Variants in ZNF98 observed in about 807,000 individuals in gnomAD.
ZNF98 encodes the protein zinc finger protein 739.
ZNF98 carries 8 observed loss-of-function variants against 12.8 expected under a neutral mutation model. The observed-to-expected ratio is 0.63, with a 90% CI of 0.37 to 1.13. ZNF98 has a LOEUF of 1.13. Among genes scored for constraint, ZNF98 ranks in the 50% most tolerant of loss-of-function variants. The pLI is 0.01. For missense variants in ZNF98, 379 were observed against 666.1 expected, an observed-to-expected ratio of 0.57 and a Z score of 4.74; for synonymous variants, 112 against 223.5, an observed-to-expected ratio of 0.50 and a Z score of 4.45.
intron 1 of ZNF98, 80 bp downstream of exon 1, chr19:22,422,115 T>G: frequency 1.3e-6 from 2 of 1,571,966 alleles, no homozygotes; most frequent in South Asian, 1.1e-5. Flanking sequence ...CGGGGAGGCC[T>G]GAGTCCCGCC....
chr19:22,404,825 G>A (rs1221975849), intron 1 of ZNF98, among the ~76,000 whole-genome samples: 1 of 152,072 alleles, frequency 6.6e-6, no homozygotes, highest in Non-Finnish European at 1.5e-5. Flanking sequence ...AACTGTCTGG[G>A]TAATAAATGC....
Position 22,391,643 on chromosome 19 carries a change from G to T in ZNF98, c.1592C>A (p.Ser531Tyr). 1 of 1,613,818 alleles carries T rather than the reference G, an allele frequency of 6.2e-7. No individual in the cohort carries two copies. Among genetic ancestry groups the T allele is most frequent in the South Asian group, 1.1e-5 (1 of 91,050 alleles). The change falls in exon 4 of 4, where the codon TCT becomes TAT. Residue 531 changes from serine to tyrosine, a missense_variant. Around this residue, in one of 8 missense-constraint regions of ZNF98, gnomAD observed 59 missense variants for 50.3 expected, o/e 1.17. Coordinates refer to ENST00000357774, the MANE Select transcript of ZNF98 (RefSeq NM_001098626.2). ...EECGKAFNNS[S>Y]ILNRHKMIHT... The stretch of plus-strand genomic sequence containing the variant: ...AATCATCTTATGTCTGTTAAGAATA[G>T]AGGAGTTGTTAAAGGCTTTGCCGCA...
At position 22,392,860 on chromosome 19, in the gene ZNF98, G is replaced by GT. The variant is rs764748792; in HGVS notation, c.374dup (p.Tyr125Ter). ...CGRENLQLRK[Y>*]CKSMDECKVH... Reference sequence around the variant, plus strand: ...CCTTACACTCATCCATGCTTTTACAGTATTTTCTTAACTGTAAATTTTCAC... The same window carrying GT: ...CCTTACACTCATCCATGCTTTTACAGTTATTTTCTTAACTGTAAATTTTCAC... The change falls in exon 4 of 4, where the codon TAC becomes TAAC. Residue 125 changes from tyrosine (Y) to a stop codon, truncating the protein, a stop_gained and frameshift_variant. Transcript: ENST00000357774. LOFTEE classifies it low-confidence loss of function (END_TRUNC). 3 of 1,609,292 alleles carry GT rather than the reference G, an allele frequency of 1.9e-6. No individual in the cohort carries two copies. In the East Asian group the frequency reaches 6.7e-5, roughly 36 times the overall value.
chr19:22,391,191 T>C lies in ZNF98; in HGVS notation c.*325A>G, dbSNP rs964953993. On this transcript the variant is annotated 3_prime_UTR_variant, in exon 4 of 4. Transcript: ENST00000357774. Reference sequence around the variant, plus strand: ...ACAACTTCGTTTATATTTGTAATGTTTGTCTTCAAAATAAATCCTCTTCAG... The same window carrying C: ...ACAACTTCGTTTATATTTGTAATGTCTGTCTTCAAAATAAATCCTCTTCAG... 1.4e-5 allele frequency: 4 copies of C among 278,608 alleles called. No homozygotes were observed. In the Admixed American group the frequency reaches 1.5e-4, roughly 10 times the overall value. The allele number at this position is 278,608 out of a possible 1,614,324, so 17.3% of individuals were successfully genotyped here.
chr19:22,408,307 G>C (rs966893004), intron 1 of ZNF98, among the ~76,000 whole-genome samples: 3 of 152,096 alleles, frequency 2.0e-5, no homozygotes, highest in Non-Finnish European at 4.4e-5. Context: ...AAAATAGTAA[G>C]TGTGTTTATG....
chr19:22,392,794 T>G lies in ZNF98; in HGVS notation c.441A>C (p.Thr147=). 6.3e-7 allele frequency: 1 copy of G among 1,574,864 alleles called. No homozygotes were observed. Among genetic ancestry groups the G allele is most frequent in the Non-Finnish European group, 8.7e-7 (1 of 1,153,960 alleles). The change falls in exon 4 of 4, where the codon ACA becomes ACC. Residue 147 remains threonine (T), a synonymous_variant. Transcript: ENST00000357774. ...ATTGAAATATTTTGTTCTGGGTAGT[T>G]GTCAAACACTGGTTAAGTCCATTGT... is the stretch of plus-strand genomic sequence containing the variant. ...ECYNGLNQCL[T]TTQNKIFQYD... is the part of the protein sequence containing the mutation.
At chr19:22,404,081 G>C (rs56003951) in intron 1 of ZNF98, among the ~76,000 whole-genome samples, 1 of 143,746 alleles carries the variant, frequency 7.0e-6, no homozygotes, top group Non-Finnish European at 1.5e-5. Flanking sequence ...TTAGCCAGGC[G>C]TGGAGGCGAG....
chr19:22,402,815 C>T lies in ZNF98; in HGVS notation c.227G>A (p.Arg76Lys). The change falls in exon 3 of 4, where the codon AGA becomes AAA. Residue 76 changes from arginine (R) to lysine (K), a missense_variant. By Grantham distance (26) the Arg-to-Lys change is conservative. This residue lies in a region of ZNF98 where 223 missense variants were observed against 261.6 expected (regional missense o/e 0.85). Transcript: ENST00000357774. The part of the protein sequence containing the change: ...EQGKEPWNVK[R>K]HEMVTEPPVV... ...TGGGGGTTCAGTTACCATCTCATGT[C>T]TCTTCACATTCCAAGGTTCTTTTCC... 2 of 1,598,156 alleles carry T rather than the reference C, an allele frequency of 1.3e-6. No homozygotes were observed. Among genetic ancestry groups the T allele is most frequent in the Admixed American group, 1.8e-5 (1 of 56,126 alleles).
At chr19:22,402,926 A>T (rs1244154171) in intron 2 of ZNF98, 42 bp from the exon 3 acceptor site, 1 of 1,524,008 alleles carries the variant, frequency 6.6e-7, no homozygotes, top group East Asian at 2.4e-5. Context: ...CATATTCTCC[A>T]ATTACCAATT....
Position 22,402,794 on chromosome 19 carries a change from G to C in ZNF98, c.248C>G (p.Pro83Arg). ...NVKRHEMVTE[P>R]PVVYSYFAQD... is the part of the protein sequence containing the mutation. Reference sequence around the variant, plus strand: ...TCACTTTCACTCTCACCTACCTGGGGGTTCAGTTACCATCTCATGTCTCTT... The same window carrying C: ...TCACTTTCACTCTCACCTACCTGGGCGTTCAGTTACCATCTCATGTCTCTT... Residue 83 changes from proline to arginine, a missense_variant, in exon 3 of 4, where the codon CCC becomes CGC. Physicochemically the swap from Pro to Arg is moderately radical, Grantham distance 103. This residue lies in a region of ZNF98 where 223 missense variants were observed against 261.6 expected (regional missense o/e 0.85). Transcript: ENST00000357774. 1 of 1,588,958 alleles carries C rather than the reference G, an allele frequency of 6.3e-7. No homozygotes were observed. The highest frequency in any genetic ancestry group is 1.2e-5 in the South Asian group (1 of 85,922).
At chr19:22,404,768 C>T (rs983595442) in intron 1 of ZNF98, among the ~76,000 whole-genome samples, 5 of 152,142 alleles carry the variant, frequency 3.3e-5, no homozygotes, top group African/African-American at 1.2e-4. Flanking sequence ...AGTAGTCTTT[C>T]TTTCACACCC....
At chr19:22,413,260 A>AG in intron 1 of ZNF98, among the ~76,000 whole-genome samples, 1 of 152,080 alleles carries the variant, frequency 6.6e-6, no homozygotes, top group Non-Finnish European at 1.5e-5. Flanking sequence ...AGATAAAAAA[A>AG]TAAAAGGCAT....
intron 3 of ZNF98, among the ~76,000 whole-genome samples, chr19:22,394,577 A>G (rs1370354068): frequency 1.3e-5 from 2 of 152,076 alleles, no homozygotes; most frequent in Middle Eastern, 3.2e-3. Flanking sequence ...TGAGCACACT[A>G]TCACAAGGAC....
intron 1 of ZNF98, among the ~76,000 whole-genome samples, chr19:22,414,102 G>T (rs1969611877): frequency 6.6e-6 from 1 of 151,304 alleles, no homozygotes; most frequent in Non-Finnish European, 1.5e-5. Flanking sequence ...GGGCGTGGTG[G>T]CAGGCATCTG....
chr19:22,411,519 C>T (rs146379792), intron 1 of ZNF98, among the ~76,000 whole-genome samples: 16 of 152,114 alleles, frequency 1.1e-4, no homozygotes, highest in African/African-American at 3.6e-4. Flanking sequence ...CAAATCTGTG[C>T]GTACTTTTAA....
chr19:22,408,664 G>A (rs1298632326), intron 1 of ZNF98, among the ~76,000 whole-genome samples: 1 of 151,994 alleles, frequency 6.6e-6, no homozygotes. Context: ...CCATCAGAGA[G>A]CCAAATCGTA....
At chr19:22,408,618 C>T (rs550287424) in intron 1 of ZNF98, among the ~76,000 whole-genome samples, 1 of 152,216 alleles carries the variant, frequency 6.6e-6, no homozygotes, top group South Asian at 2.1e-4. Flanking sequence ...AATCAATGTG[C>T]AAAAATCACA....
intron 1 of ZNF98, among the ~76,000 whole-genome samples, chr19:22,421,978 T>G (rs1969709264): frequency 6.6e-6 from 1 of 152,094 alleles, no homozygotes; most frequent in Non-Finnish European, 1.5e-5. Flanking sequence ...CAGGGCACAG[T>G]CACTGGGCAG....
At chr19:22,403,215 G>A (rs1385347730) in intron 2 of ZNF98, among the ~76,000 whole-genome samples, 171 bp downstream of exon 2, 2 of 130,786 alleles carry the variant, frequency 1.5e-5, no homozygotes, top group East Asian at 2.3e-4. Context: ...AGATCAAAAT[G>A]AAACATCTTG....
Sources: gnomAD v4.1 joint callset for allele counts (sites outside exome capture counted in the v4.1 genomes callset) on GRCh38, gnomAD v4.1.1 for gene constraint, gnomAD v4.1.1 regional missense constraint, MANE v1.5 for transcripts, NCBI Gene and HGNC (gene_info 2026-07-23, HGNC 2026-07-21) for gene names.